TGIF1: variants seen among roughly 807,000 people sequenced by gnomAD.
TGIF1 encodes TGFB induced factor homeobox 1.
TGIF1 carries 4 observed loss-of-function variants against 19.3 expected under a neutral mutation model. The ratio of observed to expected loss-of-function variants is 0.21; its 90% CI spans 0.10 to 0.47. The LOEUF (loss-of-function observed/expected upper bound fraction) is 0.47. TGIF1 is among the 20% of genes least tolerant of loss of function. The pLI, the probability that TGIF1 is intolerant of heterozygous loss-of-function variation, is 0.98. For synonymous variants in TGIF1, 122 were observed against 129.3 expected, an observed-to-expected ratio of 0.94 and a Z score of 0.38; for missense variants, 275 against 341.4, an observed-to-expected ratio of 0.81 and a Z score of 1.53.
intron 2 of TGIF1, among the ~76,000 whole-genome samples, chr18:3,422,189 G>A (rs1422513469): frequency 4.8e-5 from 2 of 41,506 alleles, no homozygotes; most frequent in East Asian, 1.1e-3. Flanking sequence ...GTGAGACACC[G>A]TAAAAAAAAA....
At chr18:3,455,479 C>A (rs2083138315) in intron 1 of TGIF1, 1 of 152,154 alleles carries the variant, frequency 6.6e-6, no homozygotes, top group African/African-American at 2.4e-5. Context: ...GTCATGTAAT[C>A]ATTTAAGACT....
intron 2 of TGIF1, among the ~76,000 whole-genome samples, chr18:3,444,239 G>T (rs939886405): frequency 6.6e-6 from 1 of 151,130 alleles, no homozygotes; most frequent in Non-Finnish European, 1.5e-5. Flanking sequence ...CATTGCACCC[G>T]GCCTGTATTC....
intron 1 of TGIF1, 152 bp downstream of exon 1, chr18:3,450,657 G>C: frequency 2.0e-6 from 3 of 1,474,084 alleles, no homozygotes; most frequent in Non-Finnish European, 2.7e-6. Flanking sequence ...GGCTGCGTCT[G>C]AAACGGCAGC....
chr18:3,452,929 T>G (rs192379195), intron 1 of TGIF1, among the ~76,000 whole-genome samples: 14 of 152,308 alleles, frequency 9.2e-5, no homozygotes, highest in Admixed American at 8.5e-4. Context: ...TAAAATGACT[T>G]AAAAACAATG....
At chr18:3,449,390 TC>T, upstream of TGIF1, 1 of 985,264 alleles carries the variant, frequency 1.0e-6, no homozygotes, top group Non-Finnish European at 1.2e-6. Flanking sequence ...CGCCCGGCCG[TC>T]CCCGGGCAGA....
intron 1 of TGIF1, among the ~76,000 whole-genome samples, chr18:3,450,735 G>C (rs903225561): frequency 3.9e-5 from 6 of 152,230 alleles, no homozygotes; most frequent in Non-Finnish European, 7.3e-5. Flanking sequence ...CTGCTGGCAC[G>C]TTGTCAAGAA....
intron 1 of TGIF1, among the ~76,000 whole-genome samples, chr18:3,454,209 C>G (rs1334750115): frequency 6.6e-6 from 1 of 152,130 alleles, no homozygotes; most frequent in African/African-American, 2.4e-5. Context: ...TAACTGAAAC[C>G]TGCTTTTGTG....
At chr18:3,413,265 A>C (rs1212748674) in intron 1 of TGIF1, among the ~76,000 whole-genome samples, 1 of 152,236 alleles carries the variant, frequency 6.6e-6, no homozygotes, top group Non-Finnish European at 1.5e-5. Flanking sequence ...AAGGATGGGA[A>C]CATGGCTTAT....
chr18:3,456,618 T>A lies in TGIF1; in HGVS notation c.243+38T>A. On this transcript the variant is annotated intron_variant, in intron 2 of 2. Coordinates refer to ENST00000343820, the MANE Select transcript of TGIF1 (RefSeq NM_003244.4). This position sits in a 1 kb window ranked among gnomAD's most constrained non-coding sequence, Gnocchi z 4.2. ...AGCGTGAGGTTTATGGATGCATTTTTAGTTTCAAAGTCATTTTATGGCATT... is the reference window on the plus strand; with the variant it reads ...AGCGTGAGGTTTATGGATGCATTTTAAGTTTCAAAGTCATTTTATGGCATT... 1.3e-6 allele frequency: 2 copies of A among 1,591,026 alleles called. No individual in the cohort carries two copies. The highest frequency in any genetic ancestry group is 1.7e-6 in the Non-Finnish European group (2 of 1,160,112).
rs549842976 is a variant in TGIF1 at position 3,422,971 on chromosome 18, G to A, written c.-45+4756G>A. 1.3e-4 allele frequency among the ~76,000 whole-genome samples: 20 copies of A among 152,188 alleles called. No individual in the cohort carries two copies. In the South Asian group the frequency reaches 3.9e-3, roughly 30 times the overall value. The stretch of plus-strand genomic sequence containing the variant: ...CCCAAAGCGCTGGGATTGTAGGCGT[G>A]AGCCACCGCGCCCAGGCTTTTTTTG... On this transcript the variant is annotated intron_variant, in intron 2 of 3. Transcript: ENST00000401449.
At chr18:3,446,042 T>A (rs1478763227), upstream of TGIF1, among the ~76,000 whole-genome samples, 1 of 152,148 alleles carries the variant, frequency 6.6e-6, no homozygotes, top group Non-Finnish European at 1.5e-5. Context: ...TGATCTTGAC[T>A]TTTTAAAAAA....
chr18:3,427,225 T>C (rs1463435552), intron 2 of TGIF1, among the ~76,000 whole-genome samples: 5 of 151,972 alleles, frequency 3.3e-5, no homozygotes, highest in Non-Finnish European at 7.3e-5. Flanking sequence ...ATTACAGGCG[T>C]GAGCCACCGC....
In TGIF1 at chr18:3,457,798, C is replaced by T. The variant is rs970137214; in HGVS notation, c.677C>T (p.Thr226Met). The T allele has an allele frequency of 5.0e-6, 8 of 1,613,804 alleles. No homozygotes were observed. The African/African-American group carries it at 5.3e-5, about 11-fold the overall frequency. The change falls in exon 3 of 3, where the codon ACG becomes ATG. Residue 226 changes from threonine (T) to methionine (M), a missense_variant. Transcript: ENST00000343820. The surrounding 1 kb of genome is among the most constrained non-coding windows in gnomAD (Gnocchi z 4.9). ...GACACTTGTAAATCTGGACCAAGTA[C>T]GAATACACAGAGTGGTCTTTTCAAC... ...PEDTCKSGPS[T>M]NTQSGLFNTP...
At chr18:3,422,673 C>CTTTTTTGTTTTTTTG (rs1481496826) in intron 2 of TGIF1, among the ~76,000 whole-genome samples, 1 of 24,672 alleles carries the variant, frequency 4.1e-5, no homozygotes, top group East Asian at 1.2e-3. Context: ...TATAGGTGGC[C>CTTTTTTGTTTTTTTG]TTTTTTTTTT....
chr18:3,429,980 C>A (rs567411804), intron 2 of TGIF1, among the ~76,000 whole-genome samples: 2 of 152,326 alleles, frequency 1.3e-5, no homozygotes, highest in South Asian at 4.1e-4. Flanking sequence ...CATGGCAAAA[C>A]CCCTTCTCTA....
Position 3,459,392 on chromosome 18 carries a change from G to GT in TGIF1, c.*1453dup, listed in dbSNP as rs1197906894. 6.6e-6 allele frequency: 1 copy of GT among 152,178 alleles called. No homozygotes were observed. 9.4% of individuals were successfully genotyped at this position (152,178 alleles called of 1,614,324 possible). ...AAACTGCTGATGATTACCAAGAGGC[G>GT]TAAGAAAATTAGGTGAGGGAATGTT... On this transcript the variant is annotated 3_prime_UTR_variant, in exon 3 of 3. Coordinates refer to ENST00000343820, the MANE Select transcript of TGIF1 (RefSeq NM_003244.4).
chr18:3,436,950 C>T (rs1172467355), intron 2 of TGIF1, among the ~76,000 whole-genome samples: 1 of 151,880 alleles, frequency 6.6e-6, no homozygotes, highest in Admixed American at 6.6e-5. Flanking sequence ...ACTAAAAATA[C>T]AAAAATTAGC....
At chr18:3,434,363 C>T (rs1258859016) in intron 2 of TGIF1, among the ~76,000 whole-genome samples, 1 of 152,000 alleles carries the variant, frequency 6.6e-6, no homozygotes, top group African/African-American at 2.4e-5. Flanking sequence ...ACGTAGAAAC[C>T]CCGTCTCTAC....
intron 1 of TGIF1, chr18:3,452,127 C>G (rs767498862): frequency 6.2e-7 from 1 of 1,613,920 alleles, no homozygotes; most frequent in African/African-American, 1.3e-5. Flanking sequence ...TCTGGCGTCC[C>G]CCCGACTCTC....
Sources: allele counts gnomAD v4.1 joint callset (sites outside exome capture counted in the v4.1 genomes callset), GRCh38; gene constraint gnomAD v4.1.1; non-coding constraint Gnocchi (gnomAD v3.1); transcripts MANE v1.5; gene names NCBI Gene and HGNC (gene_info 2026-07-23, HGNC 2026-07-21).